The following PCDH15 variants were observed in gnomAD, a reference collection of about 807,000 sequenced individuals.
PCDH15 encodes the protein protocadherin-15.
PCDH15 carries 129 observed loss-of-function variants against 178.5 expected under a neutral mutation model. That is an observed-to-expected ratio of 0.72 (90% CI 0.63 to 0.84). The LOEUF is 0.84. PCDH15 is among the 40% of genes least tolerant of loss of function. PCDH15 has a pLI of 0.00. For missense variants in PCDH15, 2,230 were observed against 2,099.9 expected (o/e 1.06, Z -1.21); for synonymous variants, 800 against 732.0 (o/e 1.09, Z -1.50).
chr10:54,971,469 T>C (rs1466655321), intron 2 of PCDH15, among the ~76,000 whole-genome samples: 2 of 152,188 alleles, frequency 1.3e-5, no homozygotes, highest in Non-Finnish European at 2.9e-5. Context: ...GCTTCCAGTC[T>C]CCAGAACAGT....
At chr10:54,080,736 T>C (rs899139946) in intron 16 of PCDH15, among the ~76,000 whole-genome samples, 5 of 152,178 alleles carry the variant, frequency 3.3e-5, no homozygotes, top group Non-Finnish European at 5.9e-5. Flanking sequence ...AAAAACTGAC[T>C]TTGCTTCCTG....
At chr10:55,411,560 T>G (rs11004837) in intron 2 of PCDH15, among the ~76,000 whole-genome samples, 30,358 of 152,070 alleles carry the variant, frequency 0.2, 4,013 homozygotes, top group Non-Finnish European at 0.29. Context: ...TCCCAGTGGC[T>G]ATGAAAATGC....
At chr10:54,564,757 C>T (rs2133430938) in intron 2 of PCDH15, among the ~76,000 whole-genome samples, 1 of 152,052 alleles carries the variant, frequency 6.6e-6, no homozygotes, top group Admixed American at 6.6e-5. Context: ...GAATATAATT[C>T]TATCTCTTTG....
intron 2 of PCDH15, among the ~76,000 whole-genome samples, chr10:54,924,878 C>T (rs1035245479): frequency 1.3e-5 from 2 of 152,066 alleles, no homozygotes; most frequent in Non-Finnish European, 2.9e-5. Context: ...TAAAAATGTT[C>T]TCCTATTATG....
rs574521463 is a variant in PCDH15 at position 54,664,107 on chromosome 10, T to C, written c.91+65A>G. Reference sequence around the variant, plus strand: ...AAATTAGCATTATTCATCTCTGTGGTATATTTTCAATGTAATAATAAAAAT... The same window carrying C: ...AAATTAGCATTATTCATCTCTGTGGCATATTTTCAATGTAATAATAAAAAT... On this transcript the variant is annotated intron_variant, in intron 2 of 37. Coordinates refer to ENST00000644397, the MANE Select transcript of PCDH15 (RefSeq NM_001384140.1). The C allele has an allele frequency of 6.1e-5, 70 of 1,150,452 alleles. No individual in the cohort carries two copies. The African/African-American group carries it at 9.3e-4, about 15-fold the overall frequency. The allele number at this position is 1,150,452 out of a possible 1,614,324, so 71.3% of individuals were successfully genotyped here.
intron 7 of PCDH15, among the ~76,000 whole-genome samples, chr10:54,321,632 C>A (rs1035062787): frequency 7.2e-5 from 11 of 151,834 alleles, no homozygotes; most frequent in African/African-American, 2.7e-4. Context: ...CTGTCAGCAT[C>A]AAATCTCTCA....
At chr10:55,544,555 T>C (rs1841837354) in intron 2 of PCDH15, among the ~76,000 whole-genome samples, 1 of 152,142 alleles carries the variant, frequency 6.6e-6, no homozygotes, top group Admixed American at 6.6e-5. Context: ...AAAATTTCTG[T>C]TTATTTTTTC....
Position 53,803,840 on chromosome 10 carries a change from T to C in PCDH15, c.*2739A>G, listed in dbSNP as rs1362602830. On this transcript the variant is annotated 3_prime_UTR_variant, in exon 38 of 38. Coordinates refer to ENST00000644397, the MANE Select transcript of PCDH15 (RefSeq NM_001384140.1). ...ATTAGCCAAGACCTGCTGTTTCTTC[T>C]GCCTGATTGAAGCTAGTGCTGATTG... 1 of 151,990 alleles carries C rather than the reference T, an allele frequency of 6.6e-6. No homozygotes were observed. The highest frequency in any genetic ancestry group is 1.5e-5 in the Non-Finnish European group (1 of 67,906). The allele number at this position is 151,990 out of a possible 1,614,324, so 9.4% of individuals were successfully genotyped here. A position where few individuals can be genotyped will look rare whatever the true frequency, so the allele number is the denominator to read the frequency against.
At chr10:55,134,531 T>A (rs1838138563) in intron 2 of PCDH15, among the ~76,000 whole-genome samples, 1 of 152,210 alleles carries the variant, frequency 6.6e-6, no homozygotes, top group Non-Finnish European at 1.5e-5. Context: ...TGCCTGTTTA[T>A]TTTCATCATC....
intron 16 of PCDH15, among the ~76,000 whole-genome samples, chr10:54,088,759 A>C (rs945210892): frequency 6.6e-6 from 1 of 152,144 alleles, no homozygotes; most frequent in Non-Finnish European, 1.5e-5. Flanking sequence ...ATTCTCTTGC[A>C]TATTGTCCCA....
chr10:55,552,659 T>C (rs886341353), intron 2 of PCDH15, among the ~76,000 whole-genome samples: 3 of 151,378 alleles, frequency 2.0e-5, no homozygotes, highest in Admixed American at 1.3e-4. Flanking sequence ...AAAATGATTA[T>C]GGTTTTGAAT....
intron 20 of PCDH15, among the ~76,000 whole-genome samples, chr10:53,997,828 G>A (rs1362145586): frequency 6.6e-6 from 1 of 152,116 alleles, no homozygotes; most frequent in African/African-American, 2.4e-5. Flanking sequence ...CTATTGACAG[G>A]ATGAAGAATA....
intron 1 of PCDH15, among the ~76,000 whole-genome samples, chr10:55,217,319 A>G (rs1422005426): frequency 6.6e-6 from 1 of 151,992 alleles, no homozygotes; most frequent in Non-Finnish European, 1.5e-5. Flanking sequence ...TTAAATAAAA[A>G]TGGTAGAAAC....
chr10:54,090,095 G>C (rs763363404), intron 15 of PCDH15, 32 bp from the exon 16 acceptor site: 3 of 1,473,016 alleles, frequency 2.0e-6, no homozygotes, highest in African/African-American at 2.8e-5. Context: ...CAATTATCAA[G>C]TAATTGATAT....
intron 1 of PCDH15, among the ~76,000 whole-genome samples, chr10:54,670,984 T>C (rs577286239): frequency 2.6e-5 from 4 of 152,250 alleles, no homozygotes; most frequent in African/African-American, 9.6e-5. Flanking sequence ...CATCTATGTT[T>C]TCAGAACCTT....
chr10:54,917,936 G>T (rs1367080869), intron 2 of PCDH15, among the ~76,000 whole-genome samples: 2 of 150,302 alleles, frequency 1.3e-5, no homozygotes, highest in Non-Finnish European at 3.0e-5. Context: ...TATGAGGTCA[G>T]TTACATATGT....
chr10:54,839,548 T>C (rs1471004427), intron 3 of PCDH15, among the ~76,000 whole-genome samples: 1 of 152,076 alleles, frequency 6.6e-6, no homozygotes, highest in Non-Finnish European at 1.5e-5. Context: ...GTATGCATTA[T>C]GAAAGTTCCA....
intron 1 of PCDH15, among the ~76,000 whole-genome samples, chr10:55,308,114 AG>A (rs1843477530): frequency 6.6e-6 from 1 of 152,184 alleles, no homozygotes; most frequent in African/African-American, 2.4e-5. Context: ...TCTATTATCA[AG>A]TGAGTTTCAC....
At chr10:54,837,487 A>C (rs1004290457) in intron 3 of PCDH15, among the ~76,000 whole-genome samples, 1 of 152,204 alleles carries the variant, frequency 6.6e-6, no homozygotes, top group Admixed American at 6.5e-5. Context: ...AAAACCTGGA[A>C]ATTATGATCA....
Sources: gnomAD v4.1 joint callset for allele counts (sites outside exome capture counted in the v4.1 genomes callset) on GRCh38, gnomAD v4.1.1 for gene constraint, MANE v1.5 for transcripts, NCBI Gene and HGNC (gene_info 2026-07-23, HGNC 2026-07-21) for gene names.